Variants in ROBO1 observed in about 807,000 individuals in gnomAD.
ROBO1 encodes the protein roundabout homolog 1.
ROBO1 carries 149 observed loss-of-function variants against 195.9 expected under a neutral mutation model. That is an observed-to-expected ratio of 0.76 (90% CI 0.67 to 0.87). The LOEUF (loss-of-function observed/expected upper bound fraction) is 0.87. Ranked by LOEUF, ROBO1 falls within the 40% of genes least tolerant of loss-of-function variation. The pLI is 0.00. For missense variants in ROBO1, 1,933 were observed against 2,068.3 expected, an observed-to-expected ratio of 0.93 and a Z score of 1.27; for synonymous variants, 816 against 733.2, an observed-to-expected ratio of 1.11 and a Z score of -1.82.
intron 1 of ROBO1, among the ~76,000 whole-genome samples, chr3:79,597,044 A>G (rs1304829115): frequency 1.3e-5 from 2 of 152,036 alleles, no homozygotes; most frequent in Non-Finnish European, 2.9e-5. Flanking sequence ...GGAAAGTTAA[A>G]AAATACATAT....
chr3:79,564,084 T>G (rs1943014141), intron 2 of ROBO1, among the ~76,000 whole-genome samples: 1 of 151,366 alleles, frequency 6.6e-6, no homozygotes, highest in African/African-American at 2.4e-5. Flanking sequence ...AAGACTCCAA[T>G]TCCAAGATAA....
chr3:79,275,797 A>G (rs981614274), intron 2 of ROBO1, among the ~76,000 whole-genome samples: 1 of 152,036 alleles, frequency 6.6e-6, no homozygotes, highest in African/African-American at 2.4e-5. Flanking sequence ...AGGATACGAT[A>G]TCAACATACA....
At chr3:79,067,190 G>A (rs76541967) in intron 3 of ROBO1, among the ~76,000 whole-genome samples, 2,699 of 151,976 alleles carry the variant, frequency 0.018, 85 homozygotes, top group African/African-American at 0.062. Context: ...ATGATTTTAA[G>A]GAGCCAGGAG....
chr3:78,815,486 C>T (rs940266935), intron 4 of ROBO1, among the ~76,000 whole-genome samples: 7 of 152,114 alleles, frequency 4.6e-5, no homozygotes, highest in African/African-American at 1.7e-4. Flanking sequence ...TAAGCCAAAA[C>T]CTAATCTAGG....
At chr3:79,300,672 T>C (rs1451959648) in intron 2 of ROBO1, among the ~76,000 whole-genome samples, 2 of 152,200 alleles carry the variant, frequency 1.3e-5, no homozygotes, top group African/African-American at 4.8e-5. Context: ...TGAAGCCAGC[T>C]GGGCTCCTGA....
chr3:79,422,718 GA>G (rs1030485910), intron 2 of ROBO1, among the ~76,000 whole-genome samples: 5 of 152,238 alleles, frequency 3.3e-5, no homozygotes, highest in African/African-American at 7.2e-5. Context: ...AGTTTTAACA[GA>G]TGTCATACCT....
At chr3:79,705,516 C>T (rs1044099086) in intron 1 of ROBO1, among the ~76,000 whole-genome samples, 23 of 152,130 alleles carry the variant, frequency 1.5e-4, no homozygotes, top group Admixed American at 2.6e-4. Context: ...TTTCTGGGCT[C>T]TCTCTTCTTT....
chr3:79,391,303 A>G (rs1055790344), intron 2 of ROBO1, among the ~76,000 whole-genome samples: 1 of 152,024 alleles, frequency 6.6e-6, no homozygotes, highest in African/African-American at 2.4e-5. Flanking sequence ...AAATAAAACA[A>G]AAAACAAAAC....
chr3:79,213,816 C>CTTT (rs59942369), intron 2 of ROBO1, among the ~76,000 whole-genome samples: 2,214 of 73,470 alleles, frequency 0.03, 1 homozygote, highest in East Asian at 0.044. Context: ...TCTCCCCTTT[C>CTTT]TTTTTTTTTT....
rs1947262705 is a variant in ROBO1, at chr3:79,690,319, C to G, written c.-51+77433G>C. 2.0e-5 allele frequency among the ~76,000 whole-genome samples: 3 copies of G among 152,068 alleles called. No individual in the cohort carries two copies. The South Asian group carries it at 6.2e-4, about 32-fold the overall frequency. On this transcript the variant is annotated intron_variant, in intron 1 of 30. Transcript: ENST00000464233. The stretch of plus-strand genomic sequence containing the variant: ...AATCCTAAAAAGCAAAGAACCTTTC[C>G]TGGCTGTGGTTAGAGAGAGATGTGA...
intron 8 of ROBO1, among the ~76,000 whole-genome samples, chr3:78,695,601 G>A (rs2081269875): frequency 6.9e-6 from 1 of 145,152 alleles, no homozygotes; most frequent in African/African-American, 2.6e-5. Context: ...CTCCAGCCTG[G>A]CCAACAGAGC....
intron 1 of ROBO1, among the ~76,000 whole-genome samples, chr3:79,620,720 C>T (rs185742044): frequency 1.3e-4 from 20 of 152,096 alleles, no homozygotes; most frequent in Admixed American, 5.9e-4. Context: ...GATACCTTTA[C>T]TCCCTCCTTG....
chr3:79,737,530 A>C (rs568650274), intron 1 of ROBO1, among the ~76,000 whole-genome samples: 1 of 152,208 alleles, frequency 6.6e-6, no homozygotes, highest in Non-Finnish European at 1.5e-5. Flanking sequence ...AAAGAAAAGA[A>C]TTTCTCTAAA....
At chr3:79,012,949 G>C (rs878980187) in intron 3 of ROBO1, among the ~76,000 whole-genome samples, 1 of 152,054 alleles carries the variant, frequency 6.6e-6, no homozygotes, top group Non-Finnish European at 1.5e-5. Flanking sequence ...GAATTGTAAA[G>C]AATGGAGGTA....
chr3:79,227,114 T>G (rs1338653177), intron 2 of ROBO1, among the ~76,000 whole-genome samples: 4 of 152,216 alleles, frequency 2.6e-5, no homozygotes, highest in Non-Finnish European at 5.9e-5. Flanking sequence ...TTTTGCAACT[T>G]TTGACAATGG....
intron 2 of ROBO1, among the ~76,000 whole-genome samples, chr3:79,546,404 TAC>T (rs1267054127): frequency 6.6e-6 from 1 of 152,042 alleles, no homozygotes; most frequent in African/African-American, 2.4e-5. Flanking sequence ...AGGTTAAATG[TAC>T]AGTGAAAGAG....
chr3:79,572,833 C>A (rs1317462722), intron 2 of ROBO1, among the ~76,000 whole-genome samples: 1 of 151,842 alleles, frequency 6.6e-6, no homozygotes, highest in Non-Finnish European at 1.5e-5. Flanking sequence ...TGGTTTGGTC[C>A]GGGAGGCCTC....
chr3:79,728,106 A>G (rs1487097802), intron 1 of ROBO1, among the ~76,000 whole-genome samples: 2 of 142,592 alleles, frequency 1.4e-5, no homozygotes, highest in Admixed American at 1.5e-4. Context: ...GTGTGTAAAT[A>G]TATGTATTTA....
intron 2 of ROBO1, among the ~76,000 whole-genome samples, chr3:79,294,057 C>CA (rs71631641): frequency 0.23 from 6,516 of 28,786 alleles, 1,348 homozygotes; most frequent in African/African-American, 0.34. Flanking sequence ...GACTCCATCT[C>CA]AAAAAAAAAA....
Sources: gnomAD v4.1 joint callset for allele counts (sites outside exome capture counted in the v4.1 genomes callset) on GRCh38, gnomAD v4.1.1 for gene constraint, MANE v1.5 for transcripts, NCBI Gene and HGNC (gene_info 2026-07-23, HGNC 2026-07-21) for gene names.